CASKIN1: variants seen among roughly 807,000 people sequenced by gnomAD.
CASKIN1 encodes caskin-1.
In CASKIN1, 42 loss-of-function variants were observed where a neutral mutation model predicts 117.5. That is an observed-to-expected ratio of 0.36 (90% confidence interval 0.28 to 0.46). The LOEUF is 0.46. CASKIN1 is among the 20% of genes least tolerant of loss of function. CASKIN1 has a pLI of 1.00. For missense variants in CASKIN1, 2,083 were observed against 2,077.3 expected, an observed-to-expected ratio of 1.00 and a Z score of -0.05; for synonymous variants, 1,148 against 961.7, an observed-to-expected ratio of 1.19 and a Z score of -3.59.
chr16:2,180,943 G>A lies in CASKIN1; in HGVS notation c.2425C>T (p.Gln809Ter). Reference sequence around the variant, plus strand: ...GGGCGCTCTGTCGGCGGCAGCAGCTGCGGGGTGGGCTTCACCTTGGCCGTA... The same window carrying A: ...GGGCGCTCTGTCGGCGGCAGCAGCTACGGGGTGGGCTTCACCTTGGCCGTA... ...PATAKVKPTP[Q>*]LLPPTERPMS... The change falls in exon 18 of 20, where the codon CAG becomes TAG. Residue 809 changes from glutamine (Q) to a stop codon, truncating the protein, a stop_gained. Transcript: ENST00000343516. LOFTEE classifies it high-confidence loss of function. 6.8e-7 allele frequency: 1 copy of A among 1,464,204 alleles called. No individual in the cohort carries two copies. Among genetic ancestry groups the A allele is most frequent in the Non-Finnish European group, 9.0e-7 (1 of 1,113,786 alleles). The allele number at this position is 1,464,204 out of a possible 1,614,324, so 90.7% of individuals were successfully genotyped here. A position where few individuals can be genotyped will look rare whatever the true frequency, so the allele number is the denominator to read the frequency against.
chr16:2,178,184 G>C lies in CASKIN1; in HGVS notation c.*366C>G, dbSNP rs775224163. ...CCCTGACCTTGGTCCCCTGTCCCTT[G>C]TGCTGCGCCCGAGCGGCTGGCCGGG... is the stretch of plus-strand genomic sequence containing the variant. On this transcript the variant is annotated 3_prime_UTR_variant, in exon 20 of 20. Coordinates refer to ENST00000343516, the MANE Select transcript of CASKIN1 (RefSeq NM_020764.4). 1.3e-5 allele frequency: 6 copies of C among 459,054 alleles called. No individual in the cohort carries two copies. The East Asian group carries it at 1.5e-4, about 12-fold the overall frequency. The allele number at this position is 459,054 out of a possible 1,614,324, so 28.4% of individuals were successfully genotyped here. A position where few individuals can be genotyped will look rare whatever the true frequency, so the allele number is the denominator to read the frequency against.
intron 1 of CASKIN1, 36 bp from the exon 2 acceptor site, chr16:2,190,394 T>C: frequency 1.9e-6 from 3 of 1,549,208 alleles, no homozygotes; most frequent in Non-Finnish European, 2.6e-6. Flanking sequence ...GGGGAGGCTG[T>C]GCCAGCCCCT....
chr16:2,191,206 AG>A (rs924154466), intron 1 of CASKIN1, among the ~76,000 whole-genome samples: 4 of 152,168 alleles, frequency 2.6e-5, no homozygotes, highest in African/African-American at 9.7e-5. Context: ...GCAGGACAGA[AG>A]CCCCTTTGTC....
In CASKIN1 at chr16:2,182,422, G is replaced by A. The variant is rs746637201; in HGVS notation, c.1630-493C>T. Among the ~76,000 whole-genome samples the A allele has an allele frequency of 4.0e-5, 6 of 151,676 alleles. No homozygotes were observed. Among genetic ancestry groups the A allele is most frequent in the South Asian group, 2.1e-4 (1 of 4,774 alleles). ...TGCCACACAGCCACAACACACACAC[G>A]TGCCAACACCCACAGCAATCTGCAC... On this transcript the variant is annotated intron_variant, in intron 16 of 19. Coordinates refer to ENST00000343516, the MANE Select transcript of CASKIN1 (RefSeq NM_020764.4). The surrounding 1 kb of genome is among the most constrained non-coding windows in gnomAD (Gnocchi z 4.1).
rs1428832339 is a variant in CASKIN1 at position 2,178,194 on chromosome 16, C to G, written c.*356G>C. 1 of 443,922 alleles carries G rather than the reference C, an allele frequency of 2.3e-6. No homozygotes were observed. The highest frequency in any genetic ancestry group is 4.2e-6 in the Non-Finnish European group (1 of 235,748). 27.5% of individuals were successfully genotyped at this position (443,922 alleles called of 1,614,324 possible). On this transcript the variant is annotated 3_prime_UTR_variant, in exon 20 of 20. Transcript: ENST00000343516. Reference sequence around the variant, plus strand: ...GGTCCCCTGTCCCTTGTGCTGCGCCCGAGCGGCTGGCCGGGCGTCCCGATG... The same window carrying G: ...GGTCCCCTGTCCCTTGTGCTGCGCCGGAGCGGCTGGCCGGGCGTCCCGATG...
Position 2,181,163 on chromosome 16 carries a change from G to A in CASKIN1, c.2205C>T (p.Pro735=), listed in dbSNP as rs772416298. 2.9e-5 allele frequency: 44 copies of A among 1,501,100 alleles called. No individual in the cohort carries two copies. The highest frequency in any genetic ancestry group is 2.0e-4 in the Middle Eastern group (1 of 4,970). The allele number at this position is 1,501,100 out of a possible 1,614,324, so 93.0% of individuals were successfully genotyped here. The change falls in exon 18 of 20, where the codon CCC becomes CCT. Residue 735 remains proline (P), a synonymous_variant. Coordinates refer to ENST00000343516, the MANE Select transcript of CASKIN1 (RefSeq NM_020764.4). ...QEYLLDEGPA[P]GTPPREARPG... ...GCCGGGCCTCCCTGGGCGGGGTGCC[G>A]GGGGCGGGGCCCTCATCCAGGAGGT...
intron 1 of CASKIN1, 54 bp from the exon 2 acceptor site, chr16:2,190,412 G>A: frequency 3.9e-6 from 6 of 1,520,474 alleles, no homozygotes; most frequent in Non-Finnish European, 4.5e-6. Flanking sequence ...CCTCCAGGCG[G>A]CCTGAGGGCA....
rs571388334 is a variant in CASKIN1, at chr16:2,196,061, T to G, written c.94+278A>C. 2.0e-5 allele frequency among the ~76,000 whole-genome samples: 3 copies of G among 149,264 alleles called. No individual in the cohort carries two copies. Among genetic ancestry groups the G allele is most frequent in the South Asian group, 4.2e-4 (2 of 4,714 alleles). On this transcript the variant is annotated intron_variant, in intron 1 of 19. Coordinates refer to ENST00000343516, the MANE Select transcript of CASKIN1 (RefSeq NM_020764.4). The surrounding 1 kb of genome is among the most constrained non-coding windows in gnomAD (Gnocchi z 5.7). Reference sequence around the variant, plus strand: ...GCCTGGGAAGGGAGGGGGACAGAGGTAGAGAGAGAGGGATGCGAACGCCCG... The same window carrying G: ...GCCTGGGAAGGGAGGGGGACAGAGGGAGAGAGAGAGGGATGCGAACGCCCG...
Position 2,177,354 on chromosome 16 carries a change from G to A in CASKIN1, c.*1196C>T, listed in dbSNP as rs1463845394. On this transcript the variant is annotated 3_prime_UTR_variant, in exon 20 of 20. Coordinates refer to ENST00000343516, the MANE Select transcript of CASKIN1 (RefSeq NM_020764.4). ...ACAGCAGGAAGGGGCCCTGCACGCC[G>A]GGACGCCACCTCCGCCAGCCGCCTC... is the stretch of plus-strand genomic sequence containing the variant. 2.1e-5 allele frequency: 5 copies of A among 233,856 alleles called. No homozygotes were observed. The highest frequency in any genetic ancestry group is 3.4e-5 in the Non-Finnish European group (4 of 118,456). The allele number at this position is 233,856 out of a possible 1,614,324, so 14.5% of individuals were successfully genotyped here.
intron 3 of CASKIN1, 133 bp downstream of exon 3, chr16:2,189,940 T>C (rs2093196453): frequency 1.2e-6 from 1 of 833,128 alleles, no homozygotes; most frequent in Non-Finnish European, 1.9e-6. Flanking sequence ...AGGACCCTGA[T>C]CCCAGGAGGA....
Position 2,181,172 on chromosome 16 carries a change from G to A in CASKIN1, c.2196C>T (p.Gly732=). 6.6e-7 allele frequency: 1 copy of A among 1,521,002 alleles called. No homozygotes were observed. The allele number at this position is 1,521,002 out of a possible 1,614,324, so 94.2% of individuals were successfully genotyped here. Residue 732 remains glycine (G), a synonymous_variant, in exon 18 of 20, where the codon GGC becomes GGT. Transcript: ENST00000343516. ...SRSQEYLLDE[G]PAPGTPPREA... ...CCCTGGGCGGGGTGCCGGGGGCGGG[G>A]CCCTCATCCAGGAGGTACTCCTGGC...
chr16:2,180,190 C>T lies in CASKIN1; in HGVS notation c.3178G>A (p.Val1060Met). Residue 1060 changes from valine to methionine, a missense_variant, in exon 18 of 20, where the codon GTG (valine) becomes ATG (methionine). Transcript: ENST00000343516. Reference sequence around the variant, plus strand: ...CCGCTGAGCGTGCGGCGCCGGTTCACCACCTCCCCGCCAGGCCCGATGGCC... The same window carrying T: ...CCGCTGAGCGTGCGGCGCCGGTTCATCACCTCCCCGCCAGGCCCGATGGCC... ...KEAIGPGGEVVNRRRTLSGPV... is the reference protein window; with the variant it reads ...KEAIGPGGEVMNRRRTLSGPV... 2 of 1,549,976 alleles carry T rather than the reference C, an allele frequency of 1.3e-6. No homozygotes were observed. The highest frequency in any genetic ancestry group is 1.7e-6 in the Non-Finnish European group (2 of 1,147,554).
chr16:2,184,284 T>C (rs2093177126), intron 14 of CASKIN1, among the ~76,000 whole-genome samples: 1 of 152,062 alleles, frequency 6.6e-6, no homozygotes, highest in Admixed American at 6.5e-5. Flanking sequence ...GCAGGTGGTA[T>C]GGCCCCTTGG....
Position 2,185,403 on chromosome 16 carries a change from G to T in CASKIN1, c.1054C>A (p.Arg352=). ...GGCAGGCTTGGTTCAGTGCCTGCTC[G>T]GGAACCTGTGGGTCAAGCAAAGCCT... ...GEAIVKRAGS[R]AGTEPSLPQG... is the part of the protein sequence containing the mutation. Residue 352 remains arginine (R), a synonymous_variant, in exon 11 of 20, where the codon CGA becomes AGA. Coordinates refer to ENST00000343516, the MANE Select transcript of CASKIN1 (RefSeq NM_020764.4). The T allele has an allele frequency of 6.2e-7, 1 of 1,602,284 alleles. No individual in the cohort carries two copies.
chr16:2,180,906 C>T lies in CASKIN1; in HGVS notation c.2462G>A (p.Arg821His), dbSNP rs1425749978. The T allele has an allele frequency of 6.9e-6, 10 of 1,450,406 alleles. No homozygotes were observed. Among genetic ancestry groups the T allele is most frequent in the Admixed American group, 2.9e-5 (1 of 34,070 alleles). The allele number at this position is 1,450,406 out of a possible 1,614,324, so 89.8% of individuals were successfully genotyped here. The change falls in exon 18 of 20, where the codon CGC (arginine) becomes CAC (histidine). Residue 821 changes from arginine to histidine, a missense_variant. Physicochemically the swap from Arg to His is conservative, Grantham distance 29. This residue lies in a region of CASKIN1 where 1,818 missense variants were observed against 1,688.9 expected (regional missense o/e 1.08). Transcript: ENST00000343516. ...GTGCGTCGGTGACTGAGGCAGGGAG[C>T]GGGGTGACATGGGGCGCTCTGTCGG... ...LPPTERPMSPRSLPQSPTHRG... is the reference protein window; with the variant it reads ...LPPTERPMSPHSLPQSPTHRG...
Position 2,181,017 on chromosome 16 carries a change from C to A in CASKIN1, c.2351G>T (p.Arg784Leu). The A allele has an allele frequency of 6.7e-7, 1 of 1,484,792 alleles. No individual in the cohort carries two copies. The highest frequency in any genetic ancestry group is 8.9e-7 in the Non-Finnish European group (1 of 1,121,906). The allele number at this position is 1,484,792 out of a possible 1,614,324, so 92.0% of individuals were successfully genotyped here. ...CCCAAGGGCCTGGGGAGAGCCTGGT[C>A]GGGTTTTGGTGGGCGTCTGGGGGGG... The part of the protein sequence containing the change: ...FTPPQTPTKT[R>L]PGSPQALGGP... Residue 784 changes from arginine (R) to leucine (L), a missense_variant, in exon 18 of 20, where the codon CGA (arginine) becomes CTA (leucine). Coordinates refer to ENST00000343516, the MANE Select transcript of CASKIN1 (RefSeq NM_020764.4).
In CASKIN1 at chr16:2,177,651, CAGA is replaced by C. The variant is rs1567255412; in HGVS notation, c.*896_*898del. 1 of 239,756 alleles carries C rather than the reference CAGA, an allele frequency of 4.2e-6. No individual in the cohort carries two copies. Among genetic ancestry groups the C allele is most frequent in the African/African-American group, 2.2e-5 (1 of 45,220 alleles). The allele number at this position is 239,756 out of a possible 1,614,324, so 14.9% of individuals were successfully genotyped here. ...CTGGAGAGGGGGCCAGGCACACCCT[CAGA>C]GGAGCTGCAAGCCCGTGGCCTGGCC... On this transcript the variant is annotated 3_prime_UTR_variant, in exon 20 of 20. Transcript: ENST00000343516.
chr16:2,186,791 C>T lies in CASKIN1; in HGVS notation c.964G>A (p.Gly322Ser). 6.2e-7 allele frequency: 1 copy of T among 1,613,018 alleles called. No individual in the cohort carries two copies. The highest frequency in any genetic ancestry group is 8.5e-7 in the Non-Finnish European group (1 of 1,179,960). ...LEQHPDGRWK[G>S]CIHDNRTGND... ...CCCGTCCGGTTGTCATGGATGCAGC[C>T]CTTCCACCGGCCATCCGGATGCTGC... The change falls in exon 10 of 20, where the codon GGC (glycine) becomes AGC (serine). Residue 322 changes from glycine (G) to serine (S), a missense_variant. By Grantham distance (56) the Gly-to-Ser change is moderately conservative. Coordinates refer to ENST00000343516, the MANE Select transcript of CASKIN1 (RefSeq NM_020764.4).
chr16:2,193,749 T>C (rs1388697033), intron 1 of CASKIN1, among the ~76,000 whole-genome samples: 1 of 152,158 alleles, frequency 6.6e-6, no homozygotes, highest in Non-Finnish European at 1.5e-5. Flanking sequence ...ACTAAAGCCA[T>C]CTCGTCCCTC....
Sources: gnomAD v4.1 joint callset for allele counts (sites outside exome capture counted in the v4.1 genomes callset) on GRCh38, gnomAD v4.1.1 for gene constraint, gnomAD v4.1.1 regional missense constraint, Gnocchi (gnomAD v3.1) non-coding constraint, MANE v1.5 for transcripts, NCBI Gene and HGNC (gene_info 2026-07-23, HGNC 2026-07-21) for gene names.